The following EOGT variants were observed in gnomAD, a reference collection of about 807,000 sequenced individuals.
EOGT encodes the protein EGF domain specific O-linked N-acetylglucosamine transferase.
EOGT carries 55 observed loss-of-function variants against 70.5 expected under a neutral mutation model. The observed-to-expected ratio is 0.78, with a 90% CI of 0.63 to 0.98. EOGT has a LOEUF of 0.98. Ranked by LOEUF, EOGT falls within the 50% of genes least tolerant of loss-of-function variation. EOGT has a pLI of 0.00. For synonymous variants in EOGT, 246 were observed against 217.1 expected, an observed-to-expected ratio of 1.13 and a Z score of -1.17; for missense variants, 703 against 641.9, an observed-to-expected ratio of 1.10 and a Z score of -1.03.
chr3:68,990,416 G>C (rs1416265041), intron 10 of EOGT, among the ~76,000 whole-genome samples: 1 of 139,738 alleles, frequency 7.2e-6, no homozygotes, highest in Non-Finnish European at 1.5e-5. Flanking sequence ...GCCATGTCGT[G>C]ATCTGGGCTC....
chr3:69,007,620 C>A (rs2091471282), intron 6 of EOGT, 93 bp downstream of exon 6: 2 of 757,452 alleles, frequency 2.6e-6, no homozygotes, highest in African/African-American at 1.9e-5. Context: ...CCACTGCACT[C>A]CAGCCAGGGC....
chr3:69,001,054 T>A (rs2091281176), intron 9 of EOGT, among the ~76,000 whole-genome samples: 1 of 151,840 alleles, frequency 6.6e-6, no homozygotes, highest in Non-Finnish European at 1.5e-5. Context: ...CCTCCTGGGT[T>A]CAAGCGATTC....
At chr3:68,984,793 A>G (rs2090757153) in intron 14 of EOGT, among the ~76,000 whole-genome samples, 1 of 152,042 alleles carries the variant, frequency 6.6e-6, no homozygotes, top group Non-Finnish European at 1.5e-5. Context: ...ATACCTTTCT[A>G]CTGGACTTCT....
rs765586990 is a variant in EOGT, at chr3:69,007,738, T to C, written c.395A>G (p.His132Arg). Residue 132 changes from histidine to arginine, a missense_variant, in exon 6 of 18, where the codon CAT becomes CGT. Coordinates refer to ENST00000383701, the MANE Select transcript of EOGT (RefSeq NM_001278689.2). ...GYARERLEEM[H>R]VLCQPKETSD... ...CGTTTCCTTAGGCTGACAGAGCACA[T>C]GCATCTCCTCCAGCCTCTCTCTGGC... The C allele has an allele frequency of 1.9e-6, 3 of 1,612,058 alleles. No individual in the cohort carries two copies. The highest frequency in any genetic ancestry group is 1.3e-5 in the African/African-American group (1 of 74,958).
chr3:68,978,036 C>T (rs1377018864), intron 17 of EOGT, among the ~76,000 whole-genome samples: 1 of 152,206 alleles, frequency 6.6e-6, no homozygotes, highest in Non-Finnish European at 1.5e-5. Context: ...TTTACAAAAA[C>T]ATGTCATGGG....
At chr3:68,990,632 A>C (rs182345615) in intron 10 of EOGT, among the ~76,000 whole-genome samples, 147 of 152,170 alleles carry the variant, frequency 9.7e-4, no homozygotes, top group African/African-American at 3.4e-3. Flanking sequence ...GAGATTACAG[A>C]AACCACACCC....
chr3:68,982,694 C>A, intron 15 of EOGT, 117 bp downstream of exon 15: 2 of 593,894 alleles, frequency 3.4e-6, no homozygotes. Context: ...GTAGTGTCTA[C>A]TTGTCCCTTC....
At chr3:68,995,593 C>T (rs1259950764) in intron 10 of EOGT, among the ~76,000 whole-genome samples, 3 of 152,124 alleles carry the variant, frequency 2.0e-5, no homozygotes, top group Non-Finnish European at 4.4e-5. Context: ...GTTGTAGGAG[C>T]TGGCTCACTT....
At chr3:69,005,319 C>A (rs1201286339) in intron 6 of EOGT, 85 bp from the exon 7 acceptor site, 3 of 688,138 alleles carry the variant, frequency 4.4e-6, no homozygotes, top group Non-Finnish European at 5.1e-6. Context: ...ACTGACAGCA[C>A]GGATACCCTC....
chr3:69,009,162 G>C (rs1366704536), intron 4 of EOGT, among the ~76,000 whole-genome samples: 1 of 152,174 alleles, frequency 6.6e-6, no homozygotes, highest in Non-Finnish European at 1.5e-5. Flanking sequence ...GGCCCTGTGA[G>C]ATGTCTTAAT....
At chr3:69,007,276 A>G (rs1383872441) in intron 6 of EOGT, among the ~76,000 whole-genome samples, 1 of 152,184 alleles carries the variant, frequency 6.6e-6, no homozygotes, top group Non-Finnish European at 1.5e-5. Context: ...GAGAGTGAGG[A>G]ATTCCTTTCA....
In EOGT at chr3:68,976,099, CAA is replaced by C. The variant is rs1575695382; in HGVS notation, c.*1517_*1518del. Reference sequence around the variant, plus strand: ...TAAGCAGTAAGAAATGAATCCCACTCAAAGAGTGGGGCTACATTCCAGATATT... The same window carrying C: ...TAAGCAGTAAGAAATGAATCCCACTCAGAGTGGGGCTACATTCCAGATATT... On this transcript the variant is annotated 3_prime_UTR_variant, in exon 18 of 18. Transcript: ENST00000383701. 1 of 152,162 alleles carries C rather than the reference CAA, an allele frequency of 6.6e-6. No homozygotes were observed. The highest frequency in any genetic ancestry group is 2.4e-5 in the African/African-American group (1 of 41,444). The allele number at this position is 152,162 out of a possible 1,614,324, so 9.4% of individuals were successfully genotyped here. A position where few individuals can be genotyped will look rare whatever the true frequency, so the allele number is the denominator to read the frequency against.
At chr3:68,987,112 G>A (rs1399756863) in intron 14 of EOGT, among the ~76,000 whole-genome samples, 1 of 152,210 alleles carries the variant, frequency 6.6e-6, no homozygotes, top group Non-Finnish European at 1.5e-5. Flanking sequence ...TCAACCATCT[G>A]TTGCATCAAC....
chr3:69,000,232 A>G (rs1167360085), intron 9 of EOGT, among the ~76,000 whole-genome samples: 2 of 152,206 alleles, frequency 1.3e-5, no homozygotes, highest in Non-Finnish European at 2.9e-5. Context: ...CTCTAAAGAA[A>G]GAAAAGTAAA....
chr3:68,998,596 G>T (rs1367150160), intron 9 of EOGT, among the ~76,000 whole-genome samples: 1 of 152,136 alleles, frequency 6.6e-6, no homozygotes, highest in African/African-American at 2.4e-5. Flanking sequence ...GCTCACACCT[G>T]TAATCACAGC....
At chr3:68,990,772 C>T (rs1455008509) in intron 10 of EOGT, among the ~76,000 whole-genome samples, 1 of 152,092 alleles carries the variant, frequency 6.6e-6, no homozygotes, top group Non-Finnish European at 1.5e-5. Flanking sequence ...CATTGTAGCA[C>T]TACATTCAAG....
chr3:68,989,978 A>G (rs932397489), intron 10 of EOGT, among the ~76,000 whole-genome samples: 1 of 151,976 alleles, frequency 6.6e-6, no homozygotes, highest in African/African-American at 2.4e-5. Context: ...TAACATATGT[A>G]ATTCTATGAA....
chr3:69,001,161 T>A (rs2091284813), intron 9 of EOGT, among the ~76,000 whole-genome samples: 1 of 152,054 alleles, frequency 6.6e-6, no homozygotes, highest in South Asian at 2.1e-4. Flanking sequence ...GGTTTCACCA[T>A]GTTGGCCAGG....
At chr3:68,978,275 T>A in intron 17 of EOGT, 58 bp downstream of exon 17, 1 of 1,230,682 alleles carries the variant, frequency 8.1e-7, no homozygotes, top group South Asian at 1.3e-5. Flanking sequence ...ATATCAATAA[T>A]TGGATACTTT....
Sources: gnomAD v4.1 joint callset for allele counts (sites outside exome capture counted in the v4.1 genomes callset) on GRCh38, gnomAD v4.1.1 for gene constraint, MANE v1.5 for transcripts, NCBI Gene and HGNC (gene_info 2026-07-23, HGNC 2026-07-21) for gene names.